Variants in ASXL2 observed in about 807,000 individuals in gnomAD.
The protein encoded by ASXL2 is ASXL transcriptional regulator 2.
In ASXL2, 23 loss-of-function variants were observed where a neutral mutation model predicts 122.0. The ratio of observed to expected loss-of-function variants is 0.19; its 90% confidence interval spans 0.14 to 0.27. The LOEUF is 0.27. Among genes scored for constraint, ASXL2 ranks in the 10% least tolerant of loss-of-function variants. The probability of loss-of-function intolerance (pLI) is 1.00; values close to 1 mark genes in which losing one functional copy is unlikely to be tolerated. For synonymous variants in ASXL2, 650 were observed against 637.0 expected (o/e 1.02, Z -0.31); for missense variants, 1,518 against 1,713.8 (o/e 0.89, Z 2.02).
chr2:25,809,744 C>G (rs1372169791), intron 3 of ASXL2, among the ~76,000 whole-genome samples: 4 of 152,196 alleles, frequency 2.6e-5, no homozygotes, highest in Non-Finnish European at 5.9e-5. Flanking sequence ...TGCACAGCCT[C>G]TAGCCCAGCT....
At chr2:25,772,716 C>T (rs1402571640) in intron 5 of ASXL2, among the ~76,000 whole-genome samples, 3 of 95,266 alleles carry the variant, frequency 3.1e-5, no homozygotes, top group Non-Finnish European at 5.7e-5. Flanking sequence ...GCAACAAGAG[C>T]GAAACTTGGT....
chr2:25,807,727 T>C (rs771673756), intron 3 of ASXL2, among the ~76,000 whole-genome samples: 9 of 152,124 alleles, frequency 5.9e-5, no homozygotes, highest in Non-Finnish European at 1.0e-4. Context: ...CCTCATAGAC[T>C]GTTGGTGGAA....
At chr2:25,810,881 C>T (rs1428703690) in intron 3 of ASXL2, among the ~76,000 whole-genome samples, 1 of 152,114 alleles carries the variant, frequency 6.6e-6, no homozygotes, top group Non-Finnish European at 1.5e-5. Flanking sequence ...TATACAAAAA[C>T]ATATTCCAAA....
chr2:25,762,761 A>C (rs956223438), intron 8 of ASXL2, among the ~76,000 whole-genome samples: 1 of 151,922 alleles, frequency 6.6e-6, no homozygotes, highest in African/African-American at 2.4e-5. Flanking sequence ...AATATTAACA[A>C]ACACAGTAAA....
At chr2:25,806,367 A>C in intron 3 of ASXL2, 30 bp from the exon 4 acceptor site, 1 of 1,463,306 alleles carries the variant, frequency 6.8e-7, no homozygotes, top group Non-Finnish European at 9.5e-7. Context: ...TGTGATAAGG[A>C]ACACAACAAT....
Position 25,878,339 on chromosome 2 carries a change from T to G in ASXL2, c.-117A>C. The G allele has an allele frequency of 3.2e-6, 3 of 928,382 alleles. No individual in the cohort carries two copies. The highest frequency in any genetic ancestry group is 1.6e-6 in the Non-Finnish European group (1 of 632,558). The allele number at this position is 928,382 out of a possible 1,614,324, so 57.5% of individuals were successfully genotyped here. On this transcript the variant is annotated 5_prime_UTR_variant, in exon 1 of 13. An upstream open reading frame in the 5' UTR loses its in-frame stop. Coordinates refer to ENST00000435504, the MANE Select transcript of ASXL2 (RefSeq NM_018263.6). The stretch of plus-strand genomic sequence containing the variant: ...CGGGAAAGGTGGGAGAAAAGGGAAG[T>G]CAGACCGGGGGGGCACCCAAGCAGA...
At chr2:25,854,220 C>A (rs1244201519) in intron 1 of ASXL2, among the ~76,000 whole-genome samples, 1 of 151,972 alleles carries the variant, frequency 6.6e-6, no homozygotes, top group Non-Finnish European at 1.5e-5. Context: ...CTCCCTAGTT[C>A]AAGAAAAAAA....
intron 5 of ASXL2, among the ~76,000 whole-genome samples, chr2:25,776,571 G>A (rs192507103): frequency 1.3e-3 from 192 of 152,280 alleles, no homozygotes; most frequent in Non-Finnish European, 2.0e-3. Flanking sequence ...TTGAGGAATT[G>A]CCAAGCTGTT....
chr2:25,860,004 C>T (rs1192042254), intron 1 of ASXL2, among the ~76,000 whole-genome samples: 1 of 151,982 alleles, frequency 6.6e-6, no homozygotes, highest in Non-Finnish European at 1.5e-5. Flanking sequence ...GGCAACATAG[C>T]AAAACATTGT....
At chr2:25,770,443 G>A (rs1286457798) in intron 6 of ASXL2, among the ~76,000 whole-genome samples, 1 of 152,074 alleles carries the variant, frequency 6.6e-6, no homozygotes, top group Non-Finnish European at 1.5e-5. Flanking sequence ...ACCCAACCAA[G>A]TTATGTACAG....
At chr2:25,851,995 T>G (rs959087930) in intron 1 of ASXL2, among the ~76,000 whole-genome samples, 2 of 152,172 alleles carry the variant, frequency 1.3e-5, no homozygotes, top group Non-Finnish European at 2.9e-5. Flanking sequence ...AAAAACCCTT[T>G]CTTGGCCACA....
chr2:25,836,458 A>G (rs2089513114), intron 2 of ASXL2, among the ~76,000 whole-genome samples: 1 of 152,164 alleles, frequency 6.6e-6, no homozygotes, highest in African/African-American at 2.4e-5. Flanking sequence ...TTCCCTTGCT[A>G]TATACACTTT....
chr2:25,829,988 G>A (rs1198197511), intron 3 of ASXL2, among the ~76,000 whole-genome samples: 2 of 152,174 alleles, frequency 1.3e-5, no homozygotes, highest in Non-Finnish European at 2.9e-5. Flanking sequence ...ACAGGCATCA[G>A]GCAACCCAGC....
At chr2:25,833,869 A>C (rs1032224331) in intron 3 of ASXL2, among the ~76,000 whole-genome samples, 2 of 152,194 alleles carry the variant, frequency 1.3e-5, no homozygotes, top group African/African-American at 4.8e-5. Context: ...AATTTAGCCC[A>C]GCTGCAGTGT....
At position 25,799,433 on chromosome 2, in the gene ASXL2, CACT is replaced by C. The variant is rs1559514495; in HGVS notation, c.352_354del (p.Ser118del). ...TTTCCCTCCTTGTTGCTGCCACCAT[CACT>C]GCTGCTGCTGCTGTTCTCAGAACTC... On this transcript the variant is annotated inframe_deletion, in exon 5 of 13. Coordinates refer to ENST00000435504, the MANE Select transcript of ASXL2 (RefSeq NM_018263.6). 6.2e-7 allele frequency: 1 copy of C among 1,613,980 alleles called. No individual in the cohort carries two copies. Among genetic ancestry groups the C allele is most frequent in the African/African-American group, 1.3e-5 (1 of 75,056 alleles).
intron 5 of ASXL2, among the ~76,000 whole-genome samples, chr2:25,784,032 CG>C (rs2149163400): frequency 6.7e-6 from 1 of 148,612 alleles, no homozygotes; most frequent in East Asian, 2.0e-4. Context: ...CCAGCCTGGG[CG>C]AAAGAGTGAA....
chr2:25,766,137 G>C (rs1259431245), intron 8 of ASXL2, among the ~76,000 whole-genome samples: 1 of 152,038 alleles, frequency 6.6e-6, no homozygotes, highest in Non-Finnish European at 1.5e-5. Context: ...TTGCTGCTAA[G>C]GATATCTGTA....
In ASXL2 at chr2:25,742,874, G is replaced by A; in HGVS notation, c.3463C>T (p.Pro1155Ser). The part of the protein sequence containing the change: ...NPEDRFCLSS[P>S]TEALKMGYTD... ...TATCCCATTTTCAAGGCTTCAGTGG[G>A]GCTGCTTAGACAAAAACGATCTTCA... Residue 1155 changes from proline (P) to serine (S), a missense_variant, in exon 13 of 13, where the codon CCC becomes TCC. Transcript: ENST00000435504. 1 of 1,613,932 alleles carries A rather than the reference G, an allele frequency of 6.2e-7. No individual in the cohort carries two copies. Among genetic ancestry groups the A allele is most frequent in the Non-Finnish European group, 8.5e-7 (1 of 1,179,896 alleles).
intron 3 of ASXL2, among the ~76,000 whole-genome samples, chr2:25,823,469 T>G (rs555919252): frequency 1.1e-4 from 16 of 152,240 alleles, no homozygotes; most frequent in Non-Finnish European, 2.2e-4. Flanking sequence ...CTTCACATTA[T>G]TCTATATAAG....
Sources: allele counts gnomAD v4.1 joint callset (sites outside exome capture counted in the v4.1 genomes callset), GRCh38; gene constraint gnomAD v4.1.1; transcripts MANE v1.5; gene names NCBI Gene and HGNC (gene_info 2026-07-23, HGNC 2026-07-21).